The following SWAP70 variants were observed in gnomAD, a reference collection of about 807,000 sequenced individuals.
SWAP70 encodes switching B cell complex subunit SWAP70, also known as switch-associated protein 70.
Under a neutral mutation model 80.2 loss-of-function variants are expected in SWAP70, and 34 were observed. The ratio of observed to expected loss-of-function variants is 0.42; its 90% CI spans 0.32 to 0.56. The LOEUF is 0.56. Among genes scored for constraint, SWAP70 ranks in the 20% least tolerant of loss-of-function variants. SWAP70 has a pLI of 0.09. For missense variants in SWAP70, 578 were observed against 690.7 expected, an observed-to-expected ratio of 0.84 and a Z score of 1.83; for synonymous variants, 239 against 238.5, an observed-to-expected ratio of 1.00 and a Z score of -0.02.
chr11:9,735,826 C>A (rs1344583247), intron 7 of SWAP70, among the ~76,000 whole-genome samples: 1 of 152,112 alleles, frequency 6.6e-6, no homozygotes, highest in Non-Finnish European at 1.5e-5. Context: ...TGTCTTTCAA[C>A]AGTTTTACTG....
chr11:9,749,625 G>A (rs931975088), intron 11 of SWAP70, among the ~76,000 whole-genome samples: 1 of 152,154 alleles, frequency 6.6e-6, no homozygotes, highest in Non-Finnish European at 1.5e-5. Context: ...TAGCCCAAAT[G>A]TAAAAAAACC....
intron 9 of SWAP70, among the ~76,000 whole-genome samples, chr11:9,745,300 G>C (rs1281967955): frequency 6.6e-6 from 1 of 152,166 alleles, no homozygotes; most frequent in Non-Finnish European, 1.5e-5. Context: ...TTAGAGTAAT[G>C]CCTAGCATTT....
intron 1 of SWAP70, among the ~76,000 whole-genome samples, chr11:9,685,452 A>G (rs900811161): frequency 6.6e-6 from 1 of 152,096 alleles, no homozygotes; most frequent in Admixed American, 6.5e-5. Flanking sequence ...ATGCTAGCAG[A>G]TTGAGTGTCT....
At chr11:9,745,656 G>C (rs1851502433) in intron 9 of SWAP70, among the ~76,000 whole-genome samples, 1 of 152,176 alleles carries the variant, frequency 6.6e-6, no homozygotes, top group Non-Finnish European at 1.5e-5. Context: ...ACCAGTACTT[G>C]CTGTGTGGTA....
At chr11:9,696,907 C>T (rs576681446) in intron 2 of SWAP70, among the ~76,000 whole-genome samples, 54 of 152,060 alleles carry the variant, frequency 3.6e-4, no homozygotes, top group African/African-American at 1.3e-3. Flanking sequence ...ATAATACTTT[C>T]GAATTAAAAG....
At chr11:9,711,440 T>C (rs917700684) in intron 2 of SWAP70, among the ~76,000 whole-genome samples, 25 of 152,152 alleles carry the variant, frequency 1.6e-4, no homozygotes, top group African/African-American at 5.6e-4. Flanking sequence ...ATCTGAACTT[T>C]TTTCTTACAT....
chr11:9,726,111 T>C (rs1851222517), intron 4 of SWAP70, among the ~76,000 whole-genome samples: 1 of 152,194 alleles, frequency 6.6e-6, no homozygotes, highest in Admixed American at 6.5e-5. Flanking sequence ...TTCTGTATTA[T>C]TGGACTTTCT....
At chr11:9,740,368 C>G in intron 9 of SWAP70, 21 bp downstream of exon 9, 1 of 1,613,832 alleles carries the variant, frequency 6.2e-7, no homozygotes, top group Non-Finnish European at 8.5e-7. Flanking sequence ...TGTTTGCAGA[C>G]TTTGCCTTTA....
chr11:9,709,593 CCCA>C (rs1281249232), intron 2 of SWAP70, among the ~76,000 whole-genome samples: 1 of 152,076 alleles, frequency 6.6e-6, no homozygotes, highest in African/African-American at 2.4e-5. Flanking sequence ...AGTGCGATCT[CCCA>C]CCAACTTCAG....
chr11:9,700,445 A>C (rs1029658826), intron 2 of SWAP70, among the ~76,000 whole-genome samples: 3 of 152,220 alleles, frequency 2.0e-5, no homozygotes, highest in African/African-American at 7.2e-5. Context: ...TGTTAACATA[A>C]AACTTAGAGA....
At chr11:9,731,535 A>G (rs1851298006) in intron 6 of SWAP70, among the ~76,000 whole-genome samples, 4 of 152,250 alleles carry the variant, frequency 2.6e-5, no homozygotes. Context: ...AAATGGTTGA[A>G]TAAGTTATGG....
chr11:9,717,854 G>A (rs1851085942), intron 3 of SWAP70, among the ~76,000 whole-genome samples: 1 of 152,022 alleles, frequency 6.6e-6, no homozygotes, highest in Admixed American at 6.5e-5. Context: ...AGAAATTAGT[G>A]AGTGTTTTTA....
At chr11:9,728,804 T>C (rs1414670276) in intron 5 of SWAP70, among the ~76,000 whole-genome samples, 1 of 152,176 alleles carries the variant, frequency 6.6e-6, no homozygotes, top group African/African-American at 2.4e-5. Context: ...TGAATAATAA[T>C]GTCTTGAGAT....
At position 9,749,154 on chromosome 11, in the gene SWAP70, A is replaced by C; in HGVS notation, c.1622A>C (p.His541Pro). 1 of 1,612,326 alleles carries C rather than the reference A, an allele frequency of 6.2e-7. No individual in the cohort carries two copies. The highest frequency in any genetic ancestry group is 8.5e-7 in the Non-Finnish European group (1 of 1,178,860). Residue 541 changes from histidine to proline, a missense_variant, in exon 11 of 12, where the codon CAT becomes CCT. Coordinates refer to ENST00000318950, the MANE Select transcript of SWAP70 (RefSeq NM_015055.4). ...AGCTGGAAGGACAAAGTGGCCCATC[A>C]TGAAGGATTAATTCGACTGATAGAA... ...TKSWKDKVAH[H>P]EGLIRLIEPG...
At chr11:9,689,773 G>C (rs1437004887) in intron 1 of SWAP70, among the ~76,000 whole-genome samples, 2 of 152,192 alleles carry the variant, frequency 1.3e-5, no homozygotes, top group Non-Finnish European at 2.9e-5. Flanking sequence ...CTCCCAGAGA[G>C]AGAACGGTCC....
chr11:9,732,032 A>C (rs2133810430), intron 6 of SWAP70, among the ~76,000 whole-genome samples: 1 of 152,302 alleles, frequency 6.6e-6, no homozygotes, highest in East Asian at 1.9e-4. Context: ...CTGTTATCTC[A>C]GGAAGGGGTT....
Position 9,724,620 on chromosome 11 carries a change from T to C in SWAP70, c.415-38T>C, listed in dbSNP as rs772281786. ...AATACATAACTATGTTAAAGTTTTT[T>C]TTAACTAGGAAATAATTATTTCACA... On this transcript the variant is annotated intron_variant, in intron 3 of 11. Transcript: ENST00000318950. 4 of 1,505,050 alleles carry C rather than the reference T, an allele frequency of 2.7e-6. No homozygotes were observed. The South Asian group carries it at 4.9e-5, about 19-fold the overall frequency. 93.2% of individuals were successfully genotyped at this position (1,505,050 alleles called of 1,614,324 possible).
At chr11:9,673,589 G>A (rs1850447686) in intron 1 of SWAP70, among the ~76,000 whole-genome samples, 1 of 152,196 alleles carries the variant, frequency 6.6e-6, no homozygotes, top group Non-Finnish European at 1.5e-5. Context: ...AATATTAATA[G>A]ACTGAGTGGG....
intron 10 of SWAP70, 73 bp downstream of exon 10, chr11:9,748,129 G>T (rs1159982986): frequency 6.9e-7 from 1 of 1,454,560 alleles, no homozygotes; most frequent in South Asian, 1.2e-5. Context: ...AGAATTATTT[G>T]CTTAGCTGCC....
Sources: gnomAD v4.1 joint callset for allele counts (sites outside exome capture counted in the v4.1 genomes callset) on GRCh38, gnomAD v4.1.1 for gene constraint, MANE v1.5 for transcripts, NCBI Gene and HGNC (gene_info 2026-07-23, HGNC 2026-07-21) for gene names.